ELMO1: variants seen among roughly 807,000 people sequenced by gnomAD.
ELMO1 encodes the protein engulfment and cell motility protein 1.
ELMO1 carries 26 observed loss-of-function variants against 98.9 expected under a neutral mutation model. The ratio of observed to expected loss-of-function variants is 0.26; its 90% CI spans 0.19 to 0.36. The LOEUF (loss-of-function observed/expected upper bound fraction) is 0.36, where lower values mean the gene tolerates loss of function less well. Among genes scored for constraint, ELMO1 ranks in the 10% least tolerant of loss-of-function variants. The pLI, the probability that ELMO1 is intolerant of heterozygous loss-of-function variation, is 1.00. For missense variants in ELMO1, 627 were observed against 935.2 expected, an observed-to-expected ratio of 0.67 and a Z score of 4.30; for synonymous variants, 346 against 346.0, an observed-to-expected ratio of 1.00 and a Z score of 0.00.
chr7:36,878,206 G>T, intron 18 of ELMO1, 89 bp from the exon 19 acceptor site: 1 of 930,834 alleles, frequency 1.1e-6, no homozygotes, highest in Non-Finnish European at 1.7e-6. Context: ...TTGCCTGGAG[G>T]AAACAAGCAG....
At chr7:37,317,965 CA>C (rs778862521) in intron 2 of ELMO1, among the ~76,000 whole-genome samples, 3 of 151,954 alleles carry the variant, frequency 2.0e-5, no homozygotes, top group Non-Finnish European at 4.4e-5. Context: ...TAAGTACGCA[CA>C]AAAGTTAAAA....
intron 13 of ELMO1, among the ~76,000 whole-genome samples, chr7:37,157,350 C>A (rs1003980155): frequency 6.6e-6 from 1 of 152,116 alleles, no homozygotes; most frequent in Non-Finnish European, 1.5e-5. Context: ...AAAGGCTATT[C>A]AATTAGGAAA....
intron 14 of ELMO1, among the ~76,000 whole-genome samples, chr7:37,097,589 A>G (rs1400978747): frequency 6.6e-6 from 1 of 151,960 alleles, no homozygotes; most frequent in Non-Finnish European, 1.5e-5. Flanking sequence ...ACCTCAAAAG[A>G]GAAAGAAAGA....
chr7:36,964,279 G>A (rs1007894611), intron 16 of ELMO1, among the ~76,000 whole-genome samples: 2 of 152,198 alleles, frequency 1.3e-5, no homozygotes, highest in Non-Finnish European at 2.9e-5. Flanking sequence ...TTCACGTAAT[G>A]CTGAACATCA....
rs1370294505 is a variant in ELMO1, at chr7:37,342,278, TC to T, written c.78+334del. On this transcript the variant is annotated intron_variant, in intron 2 of 21. Coordinates refer to ENST00000310758, the MANE Select transcript of ELMO1 (RefSeq NM_014800.11). The surrounding 1 kb of genome is among the most constrained non-coding windows in gnomAD (Gnocchi z 4.3). ...TTTTGTCTTGCCTGTGTTCCAACAA[TC>T]TGCACATATCCATGTGTCATGGCAA... Among the ~76,000 whole-genome samples, 1 of 152,218 alleles carries T rather than the reference TC, an allele frequency of 6.6e-6. No individual in the cohort carries two copies. Among genetic ancestry groups the T allele is most frequent in the African/African-American group, 2.4e-5 (1 of 41,454 alleles).
At chr7:37,171,693 C>T (rs1222358671) in intron 13 of ELMO1, among the ~76,000 whole-genome samples, 3 of 151,724 alleles carry the variant, frequency 2.0e-5, no homozygotes, top group Non-Finnish European at 4.4e-5. Flanking sequence ...GGGGTTTCAC[C>T]ATGTTAGCCA....
intron 7 of ELMO1, among the ~76,000 whole-genome samples, chr7:37,239,188 T>C (rs1315700740): frequency 6.6e-6 from 1 of 152,010 alleles, no homozygotes; most frequent in Non-Finnish European, 1.5e-5. Context: ...TTTTCTGAGA[T>C]GGAGTCTCGC....
chr7:36,864,918 A>G (rs79223652), intron 20 of ELMO1, among the ~76,000 whole-genome samples: 7,310 of 152,132 alleles, frequency 0.048, 375 homozygotes, highest in East Asian at 0.25. Context: ...AGTCCTAGGG[A>G]GAGTGGAGGC....
At chr7:37,431,025 G>A (rs747786652) in intron 1 of ELMO1, among the ~76,000 whole-genome samples, 14 of 152,186 alleles carry the variant, frequency 9.2e-5, no homozygotes, top group Non-Finnish European at 1.9e-4. Context: ...GGACAGCAAG[G>A]TCAACACAGC....
chr7:37,308,940 CCATGTTAGG>C lies in ELMO1; in HGVS notation c.192+5901_192+5909del, dbSNP rs527552655. Among the ~76,000 whole-genome samples, 594 of 152,124 alleles carry C rather than the reference CCATGTTAGG, an allele frequency of 3.9e-3. 8 individuals carry two copies. Among genetic ancestry groups the C allele is most frequent in the African/African-American group, 0.013 (544 of 41,496 alleles). ...AAGACATGGGTTTAACAGAGGAGAC[CCATGTTAGG>C]CATGTTAGGCATGTTAGGCAGCAGG... On this transcript the variant is annotated intron_variant, in intron 4 of 21. Transcript: ENST00000310758.
rs144564441 is a variant in ELMO1, at chr7:36,988,050, G to A, written c.1437+25249C>T. ...TGGGATTACAGGCGGGAGCCACGAC[G>A]CCTGGCCGCCCATTGGTCTTGATGT... is the stretch of plus-strand genomic sequence containing the variant. On this transcript the variant is annotated intron_variant, in intron 16 of 21. Transcript: ENST00000310758. Among the ~76,000 whole-genome samples, 1,322 of 152,312 alleles carry A rather than the reference G, an allele frequency of 8.7e-3. 25 individuals carry two copies. Among genetic ancestry groups the A allele is most frequent in the African/African-American group, 0.03 (1,245 of 41,560 alleles).
chr7:37,366,206 C>T (rs947028937), intron 1 of ELMO1, among the ~76,000 whole-genome samples: 12 of 152,210 alleles, frequency 7.9e-5, no homozygotes, highest in African/African-American at 2.9e-4. Flanking sequence ...AAGAAACTAT[C>T]GCCATATCCT....
At chr7:37,139,854 G>A (rs1473661800) in intron 13 of ELMO1, among the ~76,000 whole-genome samples, 1 of 152,002 alleles carries the variant, frequency 6.6e-6, no homozygotes, top group African/African-American at 2.4e-5. Context: ...GCATGGAACT[G>A]GTTTAAAAAT....
At chr7:37,008,798 T>C (rs747793322) in intron 16 of ELMO1, among the ~76,000 whole-genome samples, 1 of 152,216 alleles carries the variant, frequency 6.6e-6, no homozygotes, top group Non-Finnish European at 1.5e-5. Context: ...GCACGAAATT[T>C]ACAGTAGCTT....
intron 4 of ELMO1, among the ~76,000 whole-genome samples, chr7:37,310,896 T>A (rs926517081): frequency 2.0e-5 from 3 of 152,224 alleles, no homozygotes; most frequent in African/African-American, 7.2e-5. Context: ...ATCATTGGAC[T>A]GTGATGAGGG....
chr7:37,345,147 A>G (rs1800934446), intron 1 of ELMO1, among the ~76,000 whole-genome samples: 1 of 152,238 alleles, frequency 6.6e-6, no homozygotes, highest in African/African-American at 2.4e-5. Flanking sequence ...CTGAGAAGCT[A>G]ATCAGTGGTA....
chr7:37,049,657 G>A (rs1795991363), intron 15 of ELMO1, among the ~76,000 whole-genome samples: 1 of 152,008 alleles, frequency 6.6e-6, no homozygotes, highest in South Asian at 2.1e-4. Flanking sequence ...GAGGAGAGGG[G>A]TCCATCACAG....
At chr7:36,886,373 C>T (rs575610538) in intron 18 of ELMO1, among the ~76,000 whole-genome samples, 1 of 152,328 alleles carries the variant, frequency 6.6e-6, no homozygotes, top group Admixed American at 6.5e-5. Context: ...ATGAGAAATA[C>T]TTCCAATTTA....
At chr7:36,887,126 T>C (rs1805078062) in intron 18 of ELMO1, among the ~76,000 whole-genome samples, 1 of 152,232 alleles carries the variant, frequency 6.6e-6, no homozygotes, top group Non-Finnish European at 1.5e-5. Flanking sequence ...CTCTATTTCC[T>C]AATCTGTACA....
Sources: gnomAD v4.1 joint callset for allele counts (sites outside exome capture counted in the v4.1 genomes callset) on GRCh38, gnomAD v4.1.1 for gene constraint, Gnocchi (gnomAD v3.1) non-coding constraint, MANE v1.5 for transcripts, NCBI Gene and HGNC (gene_info 2026-07-23, HGNC 2026-07-21) for gene names.